The following PLEKHG4 variants were observed in gnomAD, a reference collection of about 807,000 sequenced individuals.
PLEKHG4 encodes the protein puratrophin-1.
Under a neutral mutation model 136.9 loss-of-function variants are expected in PLEKHG4, and 85 were observed. That is an observed-to-expected ratio of 0.62 (90% CI 0.52 to 0.74). The LOEUF (loss-of-function observed/expected upper bound fraction) is 0.74, where lower values mean the gene tolerates loss of function less well. PLEKHG4 is among the 30% of genes least tolerant of loss of function. PLEKHG4 has a pLI of 0.00. For missense variants in PLEKHG4, 1,317 were observed against 1,527.8 expected (o/e 0.86, Z 2.30); for synonymous variants, 577 against 646.9 (o/e 0.89, Z 1.64).
rs376404024 is a variant in PLEKHG4, at chr16:67,286,581, C to T, written c.2669C>T (p.Ala890Val). ...ACGGPTQELS[A>V]LREAQSLVHF... ...GGGGGCCCCACGCAGGAGCTCAGTG[C>T]GCTGCGGGAGGCCCAGAGCCTTGTG... Residue 890 changes from alanine to valine, a missense_variant, in exon 16 of 22, where the codon GCG becomes GTG. Coordinates refer to ENST00000379344, the MANE Select transcript of PLEKHG4 (RefSeq NM_001129729.3). The T allele has an allele frequency of 1.2e-5, 19 of 1,560,366 alleles. No individual in the cohort carries two copies. The highest frequency in any genetic ancestry group is 1.7e-4 in the Middle Eastern group (1 of 6,018).
chr16:67,284,616 C>T lies in PLEKHG4; in HGVS notation c.1693-97C>T. On this transcript the variant is annotated intron_variant, in intron 12 of 21. Transcript: ENST00000379344. The surrounding 1 kb of genome is among the most constrained non-coding windows in gnomAD (Gnocchi z 4.4). ...CCAGTCACTGGGGCTGTGTCCTGGA[C>T]AGCATCCTGTGGGGATGGGGAGTGG... 1.3e-6 allele frequency: 2 copies of T among 1,520,532 alleles called. No homozygotes were observed. Among genetic ancestry groups the T allele is most frequent in the Non-Finnish European group, 1.8e-6 (2 of 1,111,010 alleles). The allele number at this position is 1,520,532 out of a possible 1,614,324, so 94.2% of individuals were successfully genotyped here.
Position 67,282,363 on chromosome 16 carries a change from C to T in PLEKHG4, c.1253+14C>T, listed in dbSNP as rs13331362. ...CCCAGACTACAGGTGAGTGCAAGCCCGGCCCCCAGATCTTGCCCCAGCCCA... is the reference window on the plus strand; with the variant it reads ...CCCAGACTACAGGTGAGTGCAAGCCTGGCCCCCAGATCTTGCCCCAGCCCA... On this transcript the variant is annotated intron_variant, in intron 9 of 21. Coordinates refer to ENST00000379344, the MANE Select transcript of PLEKHG4 (RefSeq NM_001129729.3). 13,374 of 1,610,820 alleles carry T rather than the reference C, an allele frequency of 8.3e-3. 929 individuals are homozygous for T. The African/African-American group carries it at 0.16, about 19-fold the overall frequency.
chr16:67,286,227 A>G lies in PLEKHG4; in HGVS notation c.2443-47A>G, dbSNP rs769049744. 7 of 1,383,464 alleles carry G rather than the reference A, an allele frequency of 5.1e-6. No homozygotes were observed. The South Asian group carries it at 8.1e-5, about 16-fold the overall frequency. 85.7% of individuals were successfully genotyped at this position (1,383,464 alleles called of 1,614,324 possible). A position where few individuals can be genotyped will look rare whatever the true frequency, so the allele number is the denominator to read the frequency against. On this transcript the variant is annotated intron_variant, in intron 14 of 21. Transcript: ENST00000379344. Reference sequence around the variant, plus strand: ...GGGTGGTCTAGCCTGTGCCAGCCTTAGGGAGCTGGCCCCTTTGCACTGGGG... The same window carrying G: ...GGGTGGTCTAGCCTGTGCCAGCCTTGGGGAGCTGGCCCCTTTGCACTGGGG...
intron 18 of PLEKHG4, 23 bp from the exon 19 acceptor site, chr16:67,287,875 A>G (rs1245247549): frequency 5.3e-6 from 8 of 1,500,586 alleles, no homozygotes; most frequent in Non-Finnish European, 6.5e-6. Context: ...GAAGCATCCC[A>G]CTTATGTCCA....
chr16:67,285,286 G>A lies in PLEKHG4; in HGVS notation c.2196-4G>A. ...CTTGGGTCCTGACTCCCCATACCTG[G>A]TAGGCTACAGCTGGTGCTGGCAGAG... On this transcript the variant is annotated splice_region_variant and splice_polypyrimidine_tract_variant and intron_variant, in intron 13 of 21. Transcript: ENST00000379344. 1 of 1,613,946 alleles carries A rather than the reference G, an allele frequency of 6.2e-7. No individual in the cohort carries two copies. Among genetic ancestry groups the A allele is most frequent in the South Asian group, 1.1e-5 (1 of 91,086 alleles).
At chr16:67,286,234 T>C in intron 14 of PLEKHG4, 40 bp from the exon 15 acceptor site, 1 of 1,442,994 alleles carries the variant, frequency 6.9e-7, no homozygotes, top group Non-Finnish European at 9.8e-7. Flanking sequence ...CTTAGGGAGC[T>C]GGCCCCTTTG....
At chr16:67,281,317 C>G in intron 5 of PLEKHG4, 133 bp downstream of exon 5, 1 of 760,732 alleles carries the variant, frequency 1.3e-6, no homozygotes, top group Non-Finnish European at 2.3e-6. Context: ...TCTATCTCCC[C>G]GATTCAAGTG....
intron 11 of PLEKHG4, among the ~76,000 whole-genome samples, chr16:67,283,483 G>A (rs2036320313): frequency 6.6e-6 from 1 of 152,134 alleles, no homozygotes; most frequent in African/African-American, 2.4e-5. Context: ...CAGTGAAGAG[G>A]CAATTGCAGT....
Position 67,284,604 on chromosome 16 carries a change from C to A in PLEKHG4, c.1693-109C>A. On this transcript the variant is annotated intron_variant, in intron 12 of 21. Transcript: ENST00000379344. This position sits in a 1 kb window ranked among gnomAD's most constrained non-coding sequence, Gnocchi z 4.4. Reference sequence around the variant, plus strand: ...TGACCCTAAAACCCAGTCACTGGGGCTGTGTCCTGGACAGCATCCTGTGGG... The same window carrying A: ...TGACCCTAAAACCCAGTCACTGGGGATGTGTCCTGGACAGCATCCTGTGGG... 6.7e-7 allele frequency: 1 copy of A among 1,489,608 alleles called. No homozygotes were observed. The highest frequency in any genetic ancestry group is 9.2e-7 in the Non-Finnish European group (1 of 1,084,808). The allele number at this position is 1,489,608 out of a possible 1,614,324, so 92.3% of individuals were successfully genotyped here. A position where few individuals can be genotyped will look rare whatever the true frequency, so the allele number is the denominator to read the frequency against.
rs1339828194 is a variant in PLEKHG4, at chr16:67,289,340, C to G, written c.*532C>G. 2.1e-6 allele frequency: 1 copy of G among 481,040 alleles called. No homozygotes were observed. The highest frequency in any genetic ancestry group is 2.0e-5 in the African/African-American group (1 of 50,952). The allele number at this position is 481,040 out of a possible 1,614,324, so 29.8% of individuals were successfully genotyped here. On this transcript the variant is annotated 3_prime_UTR_variant, in exon 22 of 22. Coordinates refer to ENST00000379344, the MANE Select transcript of PLEKHG4 (RefSeq NM_001129729.3). ...GCAGTTTCGTTATTTTGACTTGATG[C>G]CTTTTGAATAACTTTCAATAGAATT...
At position 67,284,600 on chromosome 16, in the gene PLEKHG4, G is replaced by A; in HGVS notation, c.1693-113G>A. 2 of 1,485,872 alleles carry A rather than the reference G, an allele frequency of 1.3e-6. No individual in the cohort carries two copies. Among genetic ancestry groups the A allele is most frequent in the South Asian group, 2.3e-5 (2 of 85,214 alleles). The allele number at this position is 1,485,872 out of a possible 1,614,324, so 92.0% of individuals were successfully genotyped here. A position where few individuals can be genotyped will look rare whatever the true frequency, so the allele number is the denominator to read the frequency against. On this transcript the variant is annotated intron_variant, in intron 12 of 21. Transcript: ENST00000379344. The surrounding 1 kb of genome is among the most constrained non-coding windows in gnomAD (Gnocchi z 4.4). ...AGTTTGACCCTAAAACCCAGTCACT[G>A]GGGCTGTGTCCTGGACAGCATCCTG...
chr16:67,280,477 G>C lies in PLEKHG4; in HGVS notation c.433G>C (p.Ala145Pro), dbSNP rs2036161251. 1 of 1,604,754 alleles carries C rather than the reference G, an allele frequency of 6.2e-7. No homozygotes were observed. The change falls in exon 2 of 22, where the codon GCA becomes CCA. Residue 145 changes from alanine to proline, a missense_variant. By Grantham distance (27) the Ala-to-Pro change is conservative. Coordinates refer to ENST00000379344, the MANE Select transcript of PLEKHG4 (RefSeq NM_001129729.3). This position sits in a 1 kb window ranked among gnomAD's most constrained non-coding sequence, Gnocchi z 4.4. ...GATGCCATCTGGCTTGAGCCCTGGG[G>C]CATTGGACAGCGACCCTGTGGGCCT... ...RAMPSGLSPG[A>P]LDSDPVGLGD... is the part of the protein sequence containing the mutation.
Position 67,282,007 on chromosome 16 carries a change from A to G in PLEKHG4, c.1006-2A>G. On this transcript the variant is annotated splice_acceptor_variant, in intron 7 of 21. Coordinates refer to ENST00000379344, the MANE Select transcript of PLEKHG4 (RefSeq NM_001129729.3). LOFTEE classifies it high-confidence loss of function. ...TCCGGTCATGCCTGCCCCTGCTTAC[A>G]GCGGCTGGAAGCTCTACTACAGAAC... 6.2e-7 allele frequency: 1 copy of G among 1,612,754 alleles called. No homozygotes were observed. Among genetic ancestry groups the G allele is most frequent in the South Asian group, 1.1e-5 (1 of 91,074 alleles).
intron 5 of PLEKHG4, 89 bp from the exon 6 acceptor site, chr16:67,281,478 C>T (rs1012094563): frequency 5.9e-5 from 64 of 1,093,520 alleles, no homozygotes; most frequent in Non-Finnish European, 7.9e-5. Context: ...CCTCCCGCCT[C>T]GCCTCCCAGA....
chr16:67,286,937 A>G lies in PLEKHG4; in HGVS notation c.2925+18A>G, dbSNP rs1308435876. The G allele has an allele frequency of 1.9e-6, 3 of 1,612,480 alleles. No homozygotes were observed. Among genetic ancestry groups the G allele is most frequent in the African/African-American group, 2.7e-5 (2 of 74,716 alleles). On this transcript the variant is annotated intron_variant, in intron 17 of 21. Coordinates refer to ENST00000379344, the MANE Select transcript of PLEKHG4 (RefSeq NM_001129729.3). ...CCTTCAAGGTAGGCCTGCCCACCCC[A>G]GGCCCCACCACTTGTTTTCCCGCCC...
At chr16:67,282,481 A>G (rs757752153) in intron 9 of PLEKHG4, 22 bp from the exon 10 acceptor site, 12 of 1,613,944 alleles carry the variant, frequency 7.4e-6, no homozygotes, top group Non-Finnish European at 1.0e-5. Flanking sequence ...CAGGGGGTCT[A>G]AGATGGTATA....
rs901409614 is a variant in PLEKHG4 at position 67,284,997 on chromosome 16, T to G, written c.1977T>G (p.Cys659Trp). The change falls in exon 13 of 22, where the codon TGT (cysteine) becomes TGG (tryptophan). Residue 659 changes from cysteine to tryptophan, a missense_variant. By Grantham distance (215) the Cys-to-Trp change is radical (BLOSUM62 -2). Transcript: ENST00000379344. This position sits in a 1 kb window ranked among gnomAD's most constrained non-coding sequence, Gnocchi z 4.4. ...LPPVGSTASLCVSQVPAAPAH... is the reference protein window; with the variant it reads ...LPPVGSTASLWVSQVPAAPAH... ...CGGTGGGCAGCACAGCTAGCCTGTG[T>G]GTCAGCCAGGTCCCCGCTGCACCTG... 2 of 1,613,522 alleles carry G rather than the reference T, an allele frequency of 1.2e-6. No homozygotes were observed. Among genetic ancestry groups the G allele is most frequent in the Admixed American group, 1.7e-5 (1 of 60,026 alleles).
intron 5 of PLEKHG4, 129 bp downstream of exon 5, chr16:67,281,313 T>G: frequency 2.6e-6 from 2 of 778,044 alleles, no homozygotes; most frequent in Non-Finnish European, 4.4e-6. Flanking sequence ...AAACTCTATC[T>G]CCCCGATTCA....
rs555204096 is a variant in PLEKHG4 at position 67,284,625 on chromosome 16, G to A, written c.1693-88G>A. On this transcript the variant is annotated intron_variant, in intron 12 of 21. Coordinates refer to ENST00000379344, the MANE Select transcript of PLEKHG4 (RefSeq NM_001129729.3). The surrounding 1 kb of genome is among the most constrained non-coding windows in gnomAD (Gnocchi z 4.4). ...GGGGCTGTGTCCTGGACAGCATCCT[G>A]TGGGGATGGGGAGTGGGTAGAGGAG... is the stretch of plus-strand genomic sequence containing the variant. The A allele has an allele frequency of 2.0e-6, 3 of 1,534,160 alleles. No individual in the cohort carries two copies. The South Asian group carries it at 3.4e-5, about 18-fold the overall frequency.
Sources: allele counts gnomAD v4.1 joint callset (sites outside exome capture counted in the v4.1 genomes callset), GRCh38; gene constraint gnomAD v4.1.1; non-coding constraint Gnocchi (gnomAD v3.1); transcripts MANE v1.5; gene names NCBI Gene and HGNC (gene_info 2026-07-23, HGNC 2026-07-21).